Variants in THSD7A observed in about 807,000 individuals in gnomAD.
THSD7A encodes the protein thrombospondin type-1 domain-containing protein 7A.
In THSD7A, 96 loss-of-function variants were observed where a neutral mutation model predicts 231.3. That is an observed-to-expected ratio of 0.41 (90% confidence interval 0.35 to 0.49). The LOEUF (loss-of-function observed/expected upper bound fraction) is 0.49. THSD7A is among the 20% of genes least tolerant of loss of function. The pLI is 0.05. For missense variants in THSD7A, 2,290 were observed against 2,070.2 expected (o/e 1.11, Z -2.06); for synonymous variants, 940 against 743.3 (o/e 1.26, Z -4.30).
At chr7:11,485,838 T>C (rs551080145) in intron 6 of THSD7A, among the ~76,000 whole-genome samples, 2 of 152,342 alleles carry the variant, frequency 1.3e-5, no homozygotes, top group African/African-American at 4.8e-5. Flanking sequence ...AAGACATGCA[T>C]TGTTGATGAG....
chr7:11,770,237 T>A (rs1783178533), intron 1 of THSD7A, among the ~76,000 whole-genome samples: 1 of 152,118 alleles, frequency 6.6e-6, no homozygotes, highest in African/African-American at 2.4e-5. Flanking sequence ...CATAGTTAAA[T>A]CATAATTTTA....
intron 23 of THSD7A, among the ~76,000 whole-genome samples, chr7:11,390,275 A>C (rs1428807951): frequency 8.0e-6 from 1 of 125,044 alleles, no homozygotes; most frequent in Non-Finnish European, 1.8e-5. Context: ...ACATAGTCCC[A>C]TATTTCTTGG....
At chr7:11,758,097 G>C (rs1782743636) in intron 1 of THSD7A, among the ~76,000 whole-genome samples, 2 of 150,270 alleles carry the variant, frequency 1.3e-5, no homozygotes, top group South Asian at 4.2e-4. Flanking sequence ...TCTTTAATTG[G>C]GGAAATAGGA....
intron 1 of THSD7A, among the ~76,000 whole-genome samples, chr7:11,670,343 G>A (rs1783332404): frequency 6.6e-6 from 1 of 152,188 alleles, no homozygotes; most frequent in Non-Finnish European, 1.5e-5. Context: ...CCAGGCAAAG[G>A]CCAAAGGTTT....
chr7:11,801,314 CTCTG>C (rs556673776), intron 1 of THSD7A, among the ~76,000 whole-genome samples: 15 of 152,250 alleles, frequency 9.9e-5, no homozygotes, highest in South Asian at 6.2e-4. Flanking sequence ...CTTTCTCTCT[CTCTG>C]TCTTTCTTCC....
chr7:11,768,281 C>A (rs550124953), intron 1 of THSD7A, among the ~76,000 whole-genome samples: 1 of 152,208 alleles, frequency 6.6e-6, no homozygotes, highest in South Asian at 2.1e-4. Context: ...GATATATTGG[C>A]AAACGGAATC....
In THSD7A at chr7:11,814,462, G is replaced by A. The variant is rs1784621154; in HGVS notation, c.190+17295C>T. Among the ~76,000 whole-genome samples, 1 of 151,938 alleles carries A rather than the reference G, an allele frequency of 6.6e-6. No homozygotes were observed. Among genetic ancestry groups the A allele is most frequent in the Admixed American group, 6.6e-5 (1 of 15,248 alleles). On this transcript the variant is annotated intron_variant, in intron 1 of 27. Coordinates refer to ENST00000423059, the MANE Select transcript of THSD7A (RefSeq NM_015204.3). The surrounding 1 kb of genome is among the most constrained non-coding windows in gnomAD (Gnocchi z 5.1). The stretch of plus-strand genomic sequence containing the variant: ...TTTAGCTTTTAGACGATGCTATCAG[G>A]GTAGAAAATTACCTCAAGAAGAATG...
At chr7:11,575,271 A>C (rs756984305) in intron 4 of THSD7A, among the ~76,000 whole-genome samples, 1 of 152,172 alleles carries the variant, frequency 6.6e-6, no homozygotes, top group Non-Finnish European at 1.5e-5. Context: ...TTGCTTTTTT[A>C]AAGAGATGGC....
At chr7:11,445,346 A>G (rs1784932778) in intron 13 of THSD7A, among the ~76,000 whole-genome samples, 1 of 152,116 alleles carries the variant, frequency 6.6e-6, no homozygotes, top group Non-Finnish European at 1.5e-5. Flanking sequence ...ATTGCTTAAT[A>G]CTGCCTATAT....
intron 2 of THSD7A, among the ~76,000 whole-genome samples, chr7:11,619,327 T>C (rs1269357074): frequency 6.6e-6 from 1 of 151,938 alleles, no homozygotes; most frequent in African/African-American, 2.4e-5. Flanking sequence ...AATCTTGATA[T>C]GATTTATGTA....
chr7:11,507,069 A>G (rs1787576216), intron 6 of THSD7A, among the ~76,000 whole-genome samples: 1 of 152,124 alleles, frequency 6.6e-6, no homozygotes, highest in Non-Finnish European at 1.5e-5. Context: ...TTCTTATTAA[A>G]TGTTTTCTGA....
intron 1 of THSD7A, among the ~76,000 whole-genome samples, chr7:11,827,324 A>C (rs1050858756): frequency 6.6e-6 from 1 of 152,154 alleles, no homozygotes; most frequent in Non-Finnish European, 1.5e-5. Context: ...TTTTTATTCA[A>C]TCAAGTTTAT....
In THSD7A at chr7:11,637,310, G is replaced by A. The variant is rs1012449604; in HGVS notation, c.191-349C>T. ...GTCACAGTGAAAACTCATTACTCCG[G>A]CCTCACAATCATCAAATCCATTTCA... On this transcript the variant is annotated intron_variant, in intron 1 of 27. Transcript: ENST00000423059. The surrounding 1 kb of genome is among the most constrained non-coding windows in gnomAD (Gnocchi z 4.2). Among the ~76,000 whole-genome samples, 1 of 152,132 alleles carries A rather than the reference G, an allele frequency of 6.6e-6. No homozygotes were observed. The highest frequency in any genetic ancestry group is 2.4e-5 in the African/African-American group (1 of 41,426).
At position 11,413,019 on chromosome 7, in the gene THSD7A, G is replaced by A. The variant is rs745798902; in HGVS notation, c.3538-219C>T. Among the ~76,000 whole-genome samples the A allele has an allele frequency of 8.6e-5, 13 of 151,998 alleles. 1 individual carries two copies. The highest frequency in any genetic ancestry group is 1.8e-4 in the Non-Finnish European group (12 of 68,020). On this transcript the variant is annotated intron_variant, in intron 17 of 27. Transcript: ENST00000423059. The stretch of plus-strand genomic sequence containing the variant: ...AGCTATAAGATGCCATGTGTCAAAT[G>A]TTAATACACACATCACCTCACACCT...
Position 11,370,863 on chromosome 7 carries a change from G to C in THSD7A, c.*4931C>G, listed in dbSNP as rs1354079446. The C allele has an allele frequency of 1.3e-5, 2 of 152,094 alleles. No individual in the cohort carries two copies. The highest frequency in any genetic ancestry group is 2.4e-5 in the African/African-American group (1 of 41,448). 9.4% of individuals were successfully genotyped at this position (152,094 alleles called of 1,614,324 possible). A position where few individuals can be genotyped will look rare whatever the true frequency, so the allele number is the denominator to read the frequency against. On this transcript the variant is annotated 3_prime_UTR_variant, in exon 28 of 28. Transcript: ENST00000423059. ...TGTGTGATAGAAATGGAGAAAAAAA[G>C]TACCAGAAAAGGAATCTAAATGTTT...
chr7:11,804,033 A>T (rs1784342294), intron 1 of THSD7A, among the ~76,000 whole-genome samples: 1 of 152,144 alleles, frequency 6.6e-6, no homozygotes, highest in Non-Finnish European at 1.5e-5. Flanking sequence ...CCAGGAGGCA[A>T]TTAGAAGTAA....
intron 4 of THSD7A, among the ~76,000 whole-genome samples, chr7:11,570,459 T>C (rs1362098170): frequency 6.6e-6 from 1 of 152,202 alleles, no homozygotes; most frequent in African/African-American, 2.4e-5. Flanking sequence ...TAATTGATGG[T>C]ATATTTCAAA....
At chr7:11,456,653 T>C (rs1785317559) in intron 11 of THSD7A, among the ~76,000 whole-genome samples, 1 of 152,030 alleles carries the variant, frequency 6.6e-6, no homozygotes, top group African/African-American at 2.4e-5. Context: ...AAAGACTACA[T>C]GGTAATTATT....
intron 4 of THSD7A, among the ~76,000 whole-genome samples, chr7:11,565,618 G>T (rs558862839): frequency 7.4e-6 from 1 of 135,848 alleles, no homozygotes; most frequent in East Asian, 2.2e-4. Context: ...GGTTGTGGGG[G>T]TTAGAGAGAG....
Sources: allele counts gnomAD v4.1 joint callset (sites outside exome capture counted in the v4.1 genomes callset), GRCh38; gene constraint gnomAD v4.1.1; non-coding constraint Gnocchi (gnomAD v3.1); transcripts MANE v1.5; gene names NCBI Gene and HGNC (gene_info 2026-07-23, HGNC 2026-07-21).